The following WDR19 variants were observed in gnomAD, a reference collection of about 807,000 sequenced individuals.
The protein encoded by WDR19 is WD repeat domain 19.
A neutral mutation model predicts 180.0 loss-of-function variants in WDR19; 121 were observed. The ratio of observed to expected loss-of-function variants is 0.67; its 90% confidence interval spans 0.58 to 0.78. WDR19 has a LOEUF of 0.78. Ranked by LOEUF, WDR19 falls within the 30% of genes least tolerant of loss-of-function variation. WDR19 has a pLI of 0.00. For synonymous variants in WDR19, 497 were observed against 540.7 expected (o/e 0.92, Z 1.12); for missense variants, 1,450 against 1,640.7 (o/e 0.88, Z 2.01).
At position 39,267,995 on chromosome 4, in the gene WDR19, G is replaced by A. The variant is rs758813538; in HGVS notation, c.3262G>A (p.Asp1088Asn). The A allele has an allele frequency of 6.3e-7, 1 of 1,599,126 alleles. No homozygotes were observed. Among genetic ancestry groups the A allele is most frequent in the Admixed American group, 1.7e-5 (1 of 57,972 alleles). ...GTTTCTATAATGGTTTATGTGTCAG[G>A]ATGCCAAGTACCTGTTCCGCTTGTA... is the stretch of plus-strand genomic sequence containing the variant. ...LLGENDGMPK[D>N]AKYLFRLYMA... The change falls in exon 30 of 37, where the codon GAT becomes AAT. Residue 1088 changes from aspartate to asparagine, a missense_variant and splice_region_variant. Asp to Asn is a conservative substitution (Grantham distance 23). Coordinates refer to ENST00000399820, the MANE Select transcript of WDR19 (RefSeq NM_025132.4).
intron 12 of WDR19, among the ~76,000 whole-genome samples, chr4:39,216,682 A>G (rs749550925): frequency 2.0e-5 from 3 of 152,100 alleles, no homozygotes; most frequent in Non-Finnish European, 4.4e-5. Flanking sequence ...CTCCCCTTTT[A>G]TTCTTTGAAT....
intron 24 of WDR19, among the ~76,000 whole-genome samples, chr4:39,249,573 A>G (rs1308844745): frequency 2.6e-5 from 4 of 152,218 alleles, no homozygotes; most frequent in Admixed American, 6.5e-5. Context: ...TTTTGAAAAG[A>G]TCAACAAAAT....
At chr4:39,284,512 T>C (rs1330474186) in intron 36 of WDR19, among the ~76,000 whole-genome samples, 2 of 105,086 alleles carry the variant, frequency 1.9e-5, no homozygotes, top group African/African-American at 5.4e-5. Flanking sequence ...CTTTTTTTTT[T>C]CTTTTTTTTA....
chr4:39,216,148 G>T lies in WDR19; in HGVS notation c.1187G>T (p.Gly396Val). Residue 396 changes from glycine to valine, a missense_variant, in exon 12 of 37, where the codon GGT (glycine) becomes GTT (valine). Transcript: ENST00000399820. ...VDVEPNFVAV[G>V]LYHLAVGMNN... Reference sequence around the variant, plus strand: ...GTGGAACCCAACTTTGTGGCAGTAGGTCTTTATCATCTGGCTGTAGGAATG... The same window carrying T: ...GTGGAACCCAACTTTGTGGCAGTAGTTCTTTATCATCTGGCTGTAGGAATG... 3.8e-6 allele frequency: 6 copies of T among 1,594,918 alleles called. No individual in the cohort carries two copies. Among genetic ancestry groups the T allele is most frequent in the Non-Finnish European group, 5.1e-6 (6 of 1,170,334 alleles).
chr4:39,278,718 G>A (rs1410453822), intron 36 of WDR19, 55 bp downstream of exon 36: 15 of 1,072,074 alleles, frequency 1.4e-5, no homozygotes, highest in African/African-American at 4.7e-5. Context: ...CAGCGTGCAC[G>A]CAGCTTTTCA....
chr4:39,253,693 C>T (rs1361985680), intron 25 of WDR19, among the ~76,000 whole-genome samples: 4 of 151,704 alleles, frequency 2.6e-5, no homozygotes, highest in South Asian at 2.1e-4. Flanking sequence ...GCAGGAAAGT[C>T]GCTTGAACCC....
chr4:39,240,636 GTT>G (rs750610525), intron 21 of WDR19, among the ~76,000 whole-genome samples: 8 of 152,078 alleles, frequency 5.3e-5, no homozygotes, highest in Admixed American at 2.6e-4. Context: ...TTTTCATAAG[GTT>G]TTTCCTTTTG....
At chr4:39,225,130 A>T in intron 15 of WDR19, 97 bp downstream of exon 15, 1 of 943,438 alleles carries the variant, frequency 1.1e-6, no homozygotes, top group Non-Finnish European at 1.5e-6. Context: ...TCTATTAATT[A>T]GTGCCAAGGA....
At chr4:39,259,748 GT>G (rs1299129407) in intron 28 of WDR19, among the ~76,000 whole-genome samples, 1 of 152,190 alleles carries the variant, frequency 6.6e-6, no homozygotes, top group African/African-American at 2.4e-5. Flanking sequence ...TTACTCAGGA[GT>G]GGAATTTCTA....
At chr4:39,253,694 G>T (rs187546102) in intron 25 of WDR19, among the ~76,000 whole-genome samples, 1 of 151,740 alleles carries the variant, frequency 6.6e-6, no homozygotes, top group East Asian at 1.9e-4. Flanking sequence ...CAGGAAAGTC[G>T]CTTGAACCCA....
In WDR19 at chr4:39,267,982, G is replaced by C; in HGVS notation, c.3262-13G>C. On this transcript the variant is annotated splice_polypyrimidine_tract_variant and intron_variant, in intron 29 of 36. Coordinates refer to ENST00000399820, the MANE Select transcript of WDR19 (RefSeq NM_025132.4). Reference sequence around the variant, plus strand: ...TGAAGAAAGTAATGTTTCTATAATGGTTTATGTGTCAGGATGCCAAGTACC... The same window carrying C: ...TGAAGAAAGTAATGTTTCTATAATGCTTTATGTGTCAGGATGCCAAGTACC... 1 of 1,589,798 alleles carries C rather than the reference G, an allele frequency of 6.3e-7. No homozygotes were observed. Among genetic ancestry groups the C allele is most frequent in the Non-Finnish European group, 8.6e-7 (1 of 1,167,248 alleles).
At chr4:39,185,980 C>T (rs1017120460) in intron 2 of WDR19, among the ~76,000 whole-genome samples, 163 bp downstream of exon 2, 1 of 151,526 alleles carries the variant, frequency 6.6e-6, no homozygotes, top group African/African-American at 2.4e-5. Flanking sequence ...GCTGCAACCT[C>T]CGCCTCCCAG....
intron 14 of WDR19, among the ~76,000 whole-genome samples, chr4:39,220,528 C>CTT (rs34613717): frequency 1.1e-5 from 1 of 92,018 alleles, no homozygotes; most frequent in African/African-American, 5.4e-5. Flanking sequence ...TCTTCTTCTT[C>CTT]TTTTTTTTTT....
chr4:39,280,182 G>C (rs1211545209), intron 36 of WDR19, among the ~76,000 whole-genome samples: 2 of 113,136 alleles, frequency 1.8e-5, no homozygotes, highest in African/African-American at 6.7e-5. Flanking sequence ...GATTGGTCTC[G>C]AACTCCTAGG....
intron 24 of WDR19, among the ~76,000 whole-genome samples, chr4:39,247,330 A>G (rs1461423027): frequency 6.6e-6 from 1 of 152,218 alleles, no homozygotes; most frequent in Admixed American, 6.5e-5. Flanking sequence ...AACAGAAAGG[A>G]CATCCACACC....
intron 17 of WDR19, among the ~76,000 whole-genome samples, chr4:39,230,245 A>G (rs150970345): frequency 9.9e-4 from 151 of 152,294 alleles, no homozygotes; most frequent in African/African-American, 3.4e-3. Flanking sequence ...GAAATTGCAT[A>G]TATTTCATGA....
chr4:39,233,242 G>A (rs1560519870), intron 19 of WDR19, among the ~76,000 whole-genome samples: 2 of 152,166 alleles, frequency 1.3e-5, no homozygotes, highest in Non-Finnish European at 2.9e-5. Context: ...GCAGGAGAGG[G>A]CCTAGAGCAG....
At chr4:39,230,355 C>T (rs1247223566) in intron 17 of WDR19, among the ~76,000 whole-genome samples, 1 of 152,136 alleles carries the variant, frequency 6.6e-6, no homozygotes, top group Non-Finnish European at 1.5e-5. Flanking sequence ...GGAAGCCTTC[C>T]CCGACTTCCC....
intron 20 of WDR19, among the ~76,000 whole-genome samples, chr4:39,236,160 T>A (rs1731352087): frequency 6.6e-6 from 1 of 152,128 alleles, no homozygotes; most frequent in Admixed American, 6.6e-5. Flanking sequence ...AAGAAATCAT[T>A]ATATCAAAAA....
Sources: gnomAD v4.1 joint callset for allele counts (sites outside exome capture counted in the v4.1 genomes callset) on GRCh38, gnomAD v4.1.1 for gene constraint, MANE v1.5 for transcripts, NCBI Gene and HGNC (gene_info 2026-07-23, HGNC 2026-07-21) for gene names.